EHD1: variants seen among roughly 807,000 people sequenced by gnomAD.
EHD1 encodes the protein EH domain-containing protein 1.
Under a neutral mutation model 39.0 loss-of-function variants are expected in EHD1, and 19 were observed. The ratio of observed to expected loss-of-function variants is 0.49; its 90% CI spans 0.34 to 0.72. The LOEUF (loss-of-function observed/expected upper bound fraction) is 0.72, where lower values mean the gene tolerates loss of function less well. Among genes scored for constraint, EHD1 ranks in the 30% least tolerant of loss-of-function variants. The pLI is 0.01. For missense variants in EHD1, 542 were observed against 751.5 expected (o/e 0.72, Z 3.26); for synonymous variants, 323 against 331.2 (o/e 0.98, Z 0.27).
At chr11:64,865,357 G>A (rs762604150) in intron 2 of EHD1, among the ~76,000 whole-genome samples, 2 of 152,274 alleles carry the variant, frequency 1.3e-5, no homozygotes, top group Non-Finnish European at 2.9e-5. Context: ...CCACTCTCTA[G>A]ATCAGAGCTG....
At chr11:64,864,887 C>T (rs948244189) in intron 2 of EHD1, among the ~76,000 whole-genome samples, 6 of 152,084 alleles carry the variant, frequency 3.9e-5, no homozygotes, top group African/African-American at 1.4e-4. Context: ...GCCCCACTCC[C>T]CCCTCCCCCT....
At position 64,868,929 on chromosome 11, in the gene EHD1, C is replaced by T. The variant is rs1256939416; in HGVS notation, c.502+5492G>A. Among the ~76,000 whole-genome samples the T allele has an allele frequency of 1.3e-5, 2 of 152,212 alleles. No homozygotes were observed. The highest frequency in any genetic ancestry group is 2.9e-5 in the Non-Finnish European group (2 of 68,032). On this transcript the variant is annotated intron_variant, in intron 2 of 4. Coordinates refer to ENST00000320631, the MANE Select transcript of EHD1 (RefSeq NM_006795.4). The surrounding 1 kb of genome is among the most constrained non-coding windows in gnomAD (Gnocchi z 4.2). ...GCAGGTCTCTGACCTCTCAGAGCCTCGGTTCCCAGCTTCTCAGTCTGTAAC... is the reference window on the plus strand; with the variant it reads ...GCAGGTCTCTGACCTCTCAGAGCCTTGGTTCCCAGCTTCTCAGTCTGTAAC...
intron 2 of EHD1, among the ~76,000 whole-genome samples, chr11:64,871,474 G>C (rs1199403999): frequency 6.6e-6 from 1 of 152,242 alleles, no homozygotes; most frequent in Non-Finnish European, 1.5e-5. Flanking sequence ...ACCTCCAAGA[G>C]GTACTGAGCG....
intron 2 of EHD1, among the ~76,000 whole-genome samples, chr11:64,861,675 T>C (rs1943718176): frequency 6.6e-6 from 1 of 152,112 alleles, no homozygotes; most frequent in Non-Finnish European, 1.5e-5. Context: ...CCATGGCTTC[T>C]TTTGTCTAAC....
chr11:64,878,011 G>C, intron 1 of EHD1, 50 bp downstream of exon 1: 1 of 1,472,676 alleles, frequency 6.8e-7, no homozygotes, highest in Non-Finnish European at 8.9e-7. Context: ...CTCCGAGTGA[G>C]GGGTGTGCCC....
chr11:64,873,322 C>T (rs1424575476), intron 2 of EHD1, among the ~76,000 whole-genome samples: 1 of 152,240 alleles, frequency 6.6e-6, no homozygotes, highest in Non-Finnish European at 1.5e-5. Context: ...CTACCAGCTT[C>T]TCCTTTTGCT....
At chr11:64,867,226 C>A (rs1216340279) in intron 2 of EHD1, among the ~76,000 whole-genome samples, 1 of 152,064 alleles carries the variant, frequency 6.6e-6, no homozygotes, top group Non-Finnish European at 1.5e-5. Context: ...CGAGACCAGC[C>A]TGACCAACAT....
In EHD1 at chr11:64,859,957, G is replaced by A; in HGVS notation, c.882C>T (p.Leu294=). 6.2e-7 allele frequency: 1 copy of A among 1,613,682 alleles called. No individual in the cohort carries two copies. Among genetic ancestry groups the A allele is most frequent in the Non-Finnish European group, 8.5e-7 (1 of 1,179,978 alleles). Residue 294 remains leucine, a synonymous_variant, in exon 3 of 5, where the codon CTC becomes CTT. Coordinates refer to ENST00000320631, the MANE Select transcript of EHD1 (RefSeq NM_006795.4). ...SLPRNAALRK[L]NDLIKRARLA... ...GCCGTGCCCGCTTGATCAGGTCATT[G>A]AGCTTCCTGAGGGCGGCGTTTCGGG...
chr11:64,858,207 AGTCTT>A (rs1484779806), intron 3 of EHD1, among the ~76,000 whole-genome samples: 1 of 107,632 alleles, frequency 9.3e-6, no homozygotes, highest in Non-Finnish European at 2.0e-5. Flanking sequence ...TTTGAGACAG[AGTCTT>A]GCTCTGCCAC....
intron 2 of EHD1, among the ~76,000 whole-genome samples, chr11:64,865,068 T>C (rs1372764449): frequency 6.6e-6 from 1 of 152,234 alleles, no homozygotes; most frequent in East Asian, 1.9e-4. Context: ...GCCCATTTCT[T>C]TGCAGGTGAC....
At chr11:64,862,020 C>A (rs138668796) in intron 2 of EHD1, among the ~76,000 whole-genome samples, 14 of 152,272 alleles carry the variant, frequency 9.2e-5, no homozygotes, top group South Asian at 2.1e-4. Context: ...CCATCCCCCC[C>A]ACCTTAGACT....
chr11:64,878,678 C>A, upstream of EHD1: 1 of 1,352,082 alleles, frequency 7.4e-7, no homozygotes, highest in Non-Finnish European at 9.4e-7. Context: ...TGGCGGCTAG[C>A]GCCGCCGCGG....
At chr11:64,857,024 G>A (rs191715621) in intron 3 of EHD1, among the ~76,000 whole-genome samples, 8 of 152,226 alleles carry the variant, frequency 5.3e-5, no homozygotes, top group Non-Finnish European at 7.3e-5. Flanking sequence ...AGCTCAGGAC[G>A]TCCTTTGTCC....
At chr11:64,874,675 G>C (rs1318579909) in intron 1 of EHD1, among the ~76,000 whole-genome samples, 157 bp from the exon 2 acceptor site, 2 of 152,206 alleles carry the variant, frequency 1.3e-5, no homozygotes, top group Non-Finnish European at 2.9e-5. Flanking sequence ...AGTTTCCCGG[G>C]GTGGCCGGCA....
intron 1 of EHD1, among the ~76,000 whole-genome samples, chr11:64,876,337 C>T (rs1943885186): frequency 6.6e-6 from 1 of 152,210 alleles, no homozygotes; most frequent in African/African-American, 2.4e-5. Context: ...GGGCTCACTC[C>T]CCACACTACA....
chr11:64,863,773 C>G (rs1390992893), intron 2 of EHD1, among the ~76,000 whole-genome samples: 4 of 152,168 alleles, frequency 2.6e-5, no homozygotes, highest in African/African-American at 7.2e-5. Flanking sequence ...ACTCCACTCC[C>G]GCCCCCTGCC....
chr11:64,854,429 C>T lies in EHD1; in HGVS notation c.1509G>A (p.Leu503=). The T allele has an allele frequency of 6.2e-7, 1 of 1,614,054 alleles. No individual in the cohort carries two copies. The highest frequency in any genetic ancestry group is 8.5e-7 in the Non-Finnish European group (1 of 1,179,966). The change falls in exon 5 of 5, where the codon CTG becomes CTA. Residue 503 remains leucine (L), a synonymous_variant. Transcript: ENST00000320631. ...DGLLDDEEFA[L]ANHLIKVKLE... ...GCTTGACCTTGATGAGGTGGTTGGC[C>T]AGCGCGAACTCCTCGTCGTCCAGCA... is the stretch of plus-strand genomic sequence containing the variant.
In EHD1 at chr11:64,854,566, C is replaced by A. The variant is rs1188614152; in HGVS notation, c.1372G>T (p.Val458Phe). The A allele has an allele frequency of 6.2e-7, 1 of 1,614,184 alleles. No individual in the cohort carries two copies. Among genetic ancestry groups the A allele is most frequent in the South Asian group, 1.1e-5 (1 of 91,092 alleles). The change falls in exon 5 of 5, where the codon GTC becomes TTC. Residue 458 changes from valine (V) to phenylalanine (F), a missense_variant. By Grantham distance (50) the Val-to-Phe change is conservative. Transcript: ENST00000320631. The stretch of plus-strand genomic sequence containing the variant: ...TTGGCGCCCGTGATCTTGCCGTTGA[C>A]AGGGGACAGCGTGTAGAAGATCTCG... ...YDEIFYTLSPVNGKITGANAK... is the reference protein window; with the variant it reads ...YDEIFYTLSPFNGKITGANAK...
chr11:64,857,427 A>G (rs1295446769), intron 3 of EHD1, among the ~76,000 whole-genome samples: 1 of 152,148 alleles, frequency 6.6e-6, no homozygotes, highest in Non-Finnish European at 1.5e-5. Flanking sequence ...CCATCTCCAA[A>G]AAAATCAAAA....
Sources: allele counts gnomAD v4.1 joint callset (sites outside exome capture counted in the v4.1 genomes callset), GRCh38; gene constraint gnomAD v4.1.1; non-coding constraint Gnocchi (gnomAD v3.1); transcripts MANE v1.5; gene names NCBI Gene and HGNC (gene_info 2026-07-23, HGNC 2026-07-21).